The following H2BC18 variants were observed in gnomAD, a reference collection of about 807,000 sequenced individuals.
The protein encoded by H2BC18 is H2B clustered histone 18.
Under a neutral mutation model 6.3 loss-of-function variants are expected in H2BC18, and 8 were observed. The observed-to-expected ratio is 1.28, with a 90% CI of 0.75 to 2.31. The LOEUF (loss-of-function observed/expected upper bound fraction) is 2.31, where lower values mean the gene tolerates loss of function less well. Ranked by LOEUF, H2BC18 falls within the 30% of genes most tolerant of loss-of-function variation. The pLI, the probability that H2BC18 is intolerant of heterozygous loss-of-function variation, is 0.00. For missense variants in H2BC18, 106 were observed against 174.5 expected (o/e 0.61, Z 2.21); for synonymous variants, 104 against 78.1 (o/e 1.33, Z -1.75).
At chr1:149,807,274 T>G (rs1404174503), downstream of H2BC18, among the ~76,000 whole-genome samples, 1 of 151,092 alleles carries the variant, frequency 6.6e-6, no homozygotes, top group Non-Finnish European at 1.5e-5. Flanking sequence ...ATCACTTGAA[T>G]CCAGGAGTTC....
chr1:149,794,092 A>G, intron 1 of H2BC18: 1 of 500,308 alleles, frequency 2.0e-6, no homozygotes. Flanking sequence ...CTCGGGCTGT[A>G]GAGAGACAAC....
At chr1:149,789,983 G>A (rs1347561326) in intron 1 of H2BC18, 66 of 1,612,836 alleles carry the variant, frequency 4.1e-5, no homozygotes, top group Admixed American at 3.3e-5. Context: ...AGGGGGTAAA[G>A]GGCATGTCTT....
At chr1:149,792,570 G>C (rs1394965334) in intron 1 of H2BC18, 1 of 1,187,456 alleles carries the variant, frequency 8.4e-7, no homozygotes, top group Non-Finnish European at 1.1e-6. Context: ...TGATGGGATG[G>C]GGCGTCGCGC....
At chr1:149,794,160 A>G (rs1236536109) in intron 1 of H2BC18, 1 of 362,358 alleles carries the variant, frequency 2.8e-6, no homozygotes, top group African/African-American at 2.2e-5. Context: ...AGCCTGGACT[A>G]ACATGGTAAC....
chr1:149,785,681 T>A (rs1553750761), intron 1 of H2BC18: 1 of 152,148 alleles, frequency 6.6e-6, no homozygotes, highest in African/African-American at 2.4e-5. Flanking sequence ...TACATTTTAA[T>A]GTGAATTTTC....
chr1:149,802,197 A>G (rs1315512090), intron 1 of H2BC18, among the ~76,000 whole-genome samples: 1 of 151,928 alleles, frequency 6.6e-6, no homozygotes, highest in Non-Finnish European at 1.5e-5. Flanking sequence ...TCAGAGGTCA[A>G]ACACTTAAAA....
chr1:149,800,139 A>G lies in H2BC18; in HGVS notation c.377+11808T>C, dbSNP rs587745800. Among the ~76,000 whole-genome samples, 1,170 of 152,092 alleles carry G rather than the reference A, an allele frequency of 7.7e-3. 12 individuals are homozygous for G. Among genetic ancestry groups the G allele is most frequent in the African/African-American group, 0.027 (1,124 of 41,474 alleles). ...AGAGCAGTTCATGAAACTCAGAGAA[A>G]CACTTGGGTTTACTGGTTTATAACA... On this transcript the variant is annotated intron_variant, in intron 1 of 1. Transcript: ENST00000545683.
intron 1 of H2BC18, among the ~76,000 whole-genome samples, chr1:149,802,064 C>T (rs1425534355): frequency 6.6e-6 from 1 of 152,108 alleles, no homozygotes; most frequent in Non-Finnish European, 1.5e-5. Flanking sequence ...AACTCTCCTG[C>T]TAATCTGAAA....
At chr1:149,808,451 ATATT>A (rs2091943253), downstream of H2BC18, among the ~76,000 whole-genome samples, 1 of 152,106 alleles carries the variant, frequency 6.6e-6, no homozygotes, top group African/African-American at 2.4e-5. Flanking sequence ...TGCTTGAATT[ATATT>A]TATCTTTATG....
chr1:149,788,998 A>T (rs1410505518), intron 1 of H2BC18, among the ~76,000 whole-genome samples: 1 of 151,916 alleles, frequency 6.6e-6, no homozygotes, highest in Non-Finnish European at 1.5e-5. Context: ...AAACCTGGAA[A>T]ATATGAAGAA....
intron 1 of H2BC18, among the ~76,000 whole-genome samples, chr1:149,804,414 G>T (rs1236455589): frequency 1.3e-5 from 2 of 152,146 alleles, no homozygotes; most frequent in African/African-American, 4.8e-5. Flanking sequence ...CATAACAAAG[G>T]TCCTACAAGT....
At chr1:149,797,891 G>A (rs1450774929) in intron 1 of H2BC18, among the ~76,000 whole-genome samples, 1 of 152,104 alleles carries the variant, frequency 6.6e-6, no homozygotes, top group Non-Finnish European at 1.5e-5. Flanking sequence ...GCATTTTAAA[G>A]CTACAAATTT....
chr1:149,792,989 C>G (rs868989871), intron 1 of H2BC18: 8 of 1,273,844 alleles, frequency 6.3e-6, no homozygotes, highest in Non-Finnish European at 8.1e-6. Flanking sequence ...CGCGGCCTCC[C>G]CAGGCGCGTA....
chr1:149,791,551 G>A (rs199528238), intron 1 of H2BC18: 17,812 of 1,602,776 alleles, frequency 0.011, 150 homozygotes, highest in Admixed American at 0.021. Flanking sequence ...GATCTGGACC[G>A]TCCCCTGCCC....
chr1:149,785,306 G>A (rs1553750688), intron 1 of H2BC18, among the ~76,000 whole-genome samples: 1 of 151,436 alleles, frequency 6.6e-6, no homozygotes, highest in Non-Finnish European at 1.5e-5. Context: ...AGGAAATGTT[G>A]AGAATGTCTG....
At chr1:149,785,704 C>T (rs1341061590) in intron 1 of H2BC18, 1 of 151,994 alleles carries the variant, frequency 6.6e-6, no homozygotes, top group Admixed American at 6.6e-5. Flanking sequence ...TGAAATATAA[C>T]TTATGTACAA....
intron 1 of H2BC18, among the ~76,000 whole-genome samples, chr1:149,804,136 T>C (rs1412853313): frequency 6.6e-6 from 1 of 152,200 alleles, no homozygotes; most frequent in African/African-American, 2.4e-5. Context: ...TAATTTCTAT[T>C]CCCTTGACTT....
At chr1:149,803,028 C>T (rs587752798) in intron 1 of H2BC18, among the ~76,000 whole-genome samples, 2 of 152,310 alleles carry the variant, frequency 1.3e-5, no homozygotes, top group East Asian at 3.9e-4. Flanking sequence ...CAGACACACC[C>T]AGAAACAATA....
At chr1:149,799,459 T>C (rs587690939) in intron 1 of H2BC18, among the ~76,000 whole-genome samples, 132 of 152,268 alleles carry the variant, frequency 8.7e-4, no homozygotes, top group African/African-American at 3.2e-3. Context: ...GATGTATGTA[T>C]GCATTTAGAT....
Sources: allele counts gnomAD v4.1 joint callset (sites outside exome capture counted in the v4.1 genomes callset), GRCh38; gene constraint gnomAD v4.1.1; transcripts MANE v1.5; gene names NCBI Gene and HGNC (gene_info 2026-07-23, HGNC 2026-07-21).